NRG1: variants seen among roughly 807,000 people sequenced by gnomAD.
NRG1 encodes pro-neuregulin-1, membrane-bound isoform.
In NRG1, 18 loss-of-function variants were observed where a neutral mutation model predicts 63.8. The observed-to-expected ratio is 0.28, with a 90% CI of 0.19 to 0.42. The LOEUF is 0.42. NRG1 is among the 10% of genes least tolerant of loss of function. The pLI is 1.00. For missense variants in NRG1, 762 were observed against 814.7 expected (o/e 0.94, Z 0.79); for synonymous variants, 302 against 301.3 (o/e 1.00, Z -0.02).
At chr8:32,060,708 G>T (rs1046612958) in intron 1 of NRG1, among the ~76,000 whole-genome samples, 3 of 151,788 alleles carry the variant, frequency 2.0e-5, no homozygotes, top group Admixed American at 1.3e-4. Context: ...ATTGGGTTTT[G>T]TTTTCAGTCA....
chr8:32,722,145 G>A (rs956593085), intron 5 of NRG1: 2 of 1,005,014 alleles, frequency 2.0e-6, no homozygotes, highest in Admixed American at 5.5e-5. Flanking sequence ...GAGTTATTTG[G>A]TTTAATTTTC....
intron 1 of NRG1, among the ~76,000 whole-genome samples, chr8:32,470,859 A>G (rs1056424584): frequency 2.6e-5 from 4 of 151,820 alleles, no homozygotes; most frequent in African/African-American, 9.7e-5. Flanking sequence ...GGAAAGTGGC[A>G]TGATGATGGC....
At chr8:32,667,796 A>G (rs1804591834) in intron 5 of NRG1, among the ~76,000 whole-genome samples, 1 of 152,172 alleles carries the variant, frequency 6.6e-6, no homozygotes, top group South Asian at 2.1e-4. Flanking sequence ...ACTATTTCAA[A>G]CCAGTTAGTT....
intron 1 of NRG1, among the ~76,000 whole-genome samples, chr8:32,000,996 C>T (rs1233168812): frequency 2.6e-5 from 4 of 151,808 alleles, no homozygotes; most frequent in Admixed American, 6.6e-5. Context: ...AGAAAATAAA[C>T]GTTGATTTTA....
chr8:32,055,138 C>T (rs146097699), intron 1 of NRG1, among the ~76,000 whole-genome samples: 4 of 152,022 alleles, frequency 2.6e-5, no homozygotes, highest in East Asian at 3.9e-4. Context: ...GATCCGCCTG[C>T]CTTGGCCTCC....
rs114366312 is a variant in NRG1 at position 31,972,763 on chromosome 8, C to T, written c.37+333332C>T. 8.2e-3 allele frequency among the ~76,000 whole-genome samples: 1,253 copies of T among 152,266 alleles called. 18 individuals carry two copies. Among genetic ancestry groups the T allele is most frequent in the African/African-American group, 0.029 (1,201 of 41,534 alleles). ...GAATGGACTCACTCATTCATACCAA[C>T]GGTGTTCACTTGACCTGCCATAACA... On this transcript the variant is annotated intron_variant, in intron 1 of 10. Transcript: ENST00000519301.
At chr8:32,299,025 C>CAAAAAAAAAAAAAAA (rs34799826) in intron 1 of NRG1, among the ~76,000 whole-genome samples, 46 of 59,414 alleles carry the variant, frequency 7.7e-4, no homozygotes, top group Non-Finnish European at 1.2e-3. Context: ...GACTCTATCT[C>CAAAAAAAAAAAAAAA]AAAAAAAAAA....
intron 1 of NRG1, among the ~76,000 whole-genome samples, chr8:32,289,431 G>T (rs1180418189): frequency 2.0e-5 from 3 of 148,848 alleles, no homozygotes; most frequent in Non-Finnish European, 4.4e-5. Flanking sequence ...CAGTGTTAAC[G>T]TATTAAAAAA....
intron 1 of NRG1, among the ~76,000 whole-genome samples, chr8:31,788,967 T>G (rs1444081457): frequency 2.6e-5 from 4 of 152,188 alleles, no homozygotes; most frequent in Non-Finnish European, 5.9e-5. Flanking sequence ...TTTTATGATG[T>G]TTTAGAGAAC....
intron 1 of NRG1, among the ~76,000 whole-genome samples, chr8:31,731,422 A>ACACT (rs989935954): frequency 1.3e-5 from 2 of 150,224 alleles, no homozygotes; most frequent in African/African-American, 4.9e-5. Flanking sequence ...TGTCATACAC[A>ACACT]CACACACACA....
upstream of NRG1, among the ~76,000 whole-genome samples, chr8:32,547,590 A>AACACACACACACACACAC (rs33943729): frequency 1.8e-4 from 27 of 148,492 alleles, no homozygotes; most frequent in African/African-American, 6.2e-4. Context: ...GCACTTACTA[A>AACACACACACACACACAC]ACACACACAC....
Position 31,732,112 on chromosome 8 carries a change from GC to G in NRG1, c.37+92684del, listed in dbSNP as rs1208431304. 7.9e-5 allele frequency among the ~76,000 whole-genome samples: 12 copies of G among 152,154 alleles called. 1 individual carries two copies. In the South Asian group the frequency reaches 2.1e-3, roughly 26 times the overall value. On this transcript the variant is annotated intron_variant, in intron 1 of 10. Coordinates refer to the NRG1 transcript ENST00000519301. The stretch of plus-strand genomic sequence containing the variant: ...GAAAGTTTTTTTCCATAAAAACAGT[GC>G]CCAGTTCTTGGTGATGACAGCAGGG...
intron 1 of NRG1, among the ~76,000 whole-genome samples, chr8:31,979,002 G>A (rs994329400): frequency 2.0e-5 from 3 of 152,160 alleles, no homozygotes; most frequent in Admixed American, 6.6e-5. Flanking sequence ...CAGTGACTTT[G>A]ATAACCTATG....
intron 1 of NRG1, among the ~76,000 whole-genome samples, chr8:32,260,971 C>T (rs1296505291): frequency 2.0e-5 from 3 of 152,184 alleles, no homozygotes; most frequent in Non-Finnish European, 4.4e-5. Flanking sequence ...CTGGAGGATA[C>T]ACCTCATAAC....
chr8:32,140,701 G>C (rs1193146963), intron 1 of NRG1, among the ~76,000 whole-genome samples: 1 of 152,014 alleles, frequency 6.6e-6, no homozygotes, highest in Non-Finnish European at 1.5e-5. Flanking sequence ...GGGCTCAAGT[G>C]ATCTTCCCAC....
intron 1 of NRG1, among the ~76,000 whole-genome samples, chr8:32,513,170 GGTGT>G (rs55982622): frequency 0.053 from 7,978 of 149,190 alleles, 282 homozygotes; most frequent in Middle Eastern, 0.087. Flanking sequence ...TGCTGAAGCT[GGTGT>G]GTGTGTGTGT....
intron 1 of NRG1, among the ~76,000 whole-genome samples, chr8:31,944,325 G>A (rs1392302776): frequency 2.0e-5 from 3 of 152,116 alleles, no homozygotes; most frequent in South Asian, 2.1e-4. Context: ...TGAATCACTC[G>A]TGTTGTCATC....
In NRG1 at chr8:32,278,267, C is replaced by A. The variant is rs187455787; in HGVS notation, c.38-317561C>A. On this transcript the variant is annotated intron_variant, in intron 1 of 10. Transcript: ENST00000519301. ...TCAGAAATGAGAAACTGACTGACTA[C>A]TAAATTGTTAGTAAAAGCAACAGAA... 5.9e-5 allele frequency among the ~76,000 whole-genome samples: 9 copies of A among 152,150 alleles called. No homozygotes were observed. The East Asian group carries it at 1.7e-3, about 29-fold the overall frequency.
chr8:32,490,006 G>T (rs1336490988), intron 1 of NRG1, among the ~76,000 whole-genome samples: 1 of 152,154 alleles, frequency 6.6e-6, no homozygotes, highest in Non-Finnish European at 1.5e-5. Flanking sequence ...CTGGGAACTT[G>T]TTAAAAACAT....
Sources: gnomAD v4.1 joint callset for allele counts (sites outside exome capture counted in the v4.1 genomes callset) on GRCh38, gnomAD v4.1.1 for gene constraint, MANE v1.5 for transcripts, NCBI Gene and HGNC (gene_info 2026-07-23, HGNC 2026-07-21) for gene names.